Variants in CA6 observed in about 807,000 individuals in gnomAD.
The protein encoded by CA6 is carbonate dehydratase VI.
In CA6, 28 loss-of-function variants were observed where a neutral mutation model predicts 35.9. The ratio of observed to expected loss-of-function variants is 0.78; its 90% confidence interval spans 0.58 to 1.07. CA6 has a LOEUF of 1.07. Ranked by LOEUF, CA6 falls within the 50% of genes least tolerant of loss-of-function variation. The probability of loss-of-function intolerance (pLI) is 0.00; values close to 1 mark genes in which losing one functional copy is unlikely to be tolerated. For synonymous variants in CA6, 148 were observed against 152.6 expected (o/e 0.97, Z 0.22); for missense variants, 377 against 382.0 (o/e 0.99, Z 0.11).
intron 2 of CA6, chr1:8,951,423 A>G (rs1639529851): frequency 6.6e-6 from 5 of 761,182 alleles, no homozygotes; most frequent in African/African-American, 1.7e-5. Context: ...ATGCTTCCAG[A>G]TTGGCAGGCG....
chr1:8,974,354 C>T (rs771348039), intron 7 of CA6: 1 of 1,518,234 alleles, frequency 6.6e-7, no homozygotes, highest in Non-Finnish European at 8.8e-7. Flanking sequence ...CAGGCAAGGG[C>T]CACGGGGGGC....
Position 8,974,608 on chromosome 1 carries a change from T to C in CA6, c.845-14T>C, listed in dbSNP as rs1222099935. On this transcript the variant is annotated splice_polypyrimidine_tract_variant and intron_variant, in intron 7 of 7. Transcript: ENST00000377443. The stretch of plus-strand genomic sequence containing the variant: ...CAAGGTTTAACCATTTCCGACTAAC[T>C]CTTCTTTTTACAGAATACACTCTAG... The C allele has an allele frequency of 1.9e-6, 3 of 1,585,306 alleles. No individual in the cohort carries two copies. The highest frequency in any genetic ancestry group is 2.6e-6 in the Non-Finnish European group (3 of 1,156,246).
chr1:8,946,159 T>C (rs922502770), intron 1 of CA6, among the ~76,000 whole-genome samples, 194 bp downstream of exon 1: 1 of 152,040 alleles, frequency 6.6e-6, no homozygotes, highest in Non-Finnish European at 1.5e-5. Context: ...TGCCTTAGCC[T>C]CCCGAGTACC....
intron 1 of CA6, 80 bp downstream of exon 1, chr1:8,946,045 T>TCA: frequency 1.2e-6 from 1 of 837,062 alleles, no homozygotes; most frequent in Non-Finnish European, 1.9e-6. Flanking sequence ...TCTTCTTCTT[T>TCA]TTTTTTTTTT....
chr1:8,957,110 G>T, intron 2 of CA6, 27 bp from the exon 3 acceptor site: 1 of 1,574,634 alleles, frequency 6.4e-7, no homozygotes, highest in Non-Finnish European at 8.6e-7. Flanking sequence ...CACCTACTCT[G>T]CTCTCAGCCC....
At chr1:8,964,677 T>G (rs1639926203) in intron 5 of CA6, among the ~76,000 whole-genome samples, 1 of 152,126 alleles carries the variant, frequency 6.6e-6, no homozygotes. Context: ...CTTCCCCCAG[T>G]TCTCTGGCTC....
intron 6 of CA6, among the ~76,000 whole-genome samples, chr1:8,970,484 C>T (rs574235952): frequency 1.3e-5 from 2 of 152,052 alleles, no homozygotes; most frequent in Admixed American, 6.6e-5. Context: ...TAAATCCAAA[C>T]TCTAGCCCAG....
intron 6 of CA6, among the ~76,000 whole-genome samples, chr1:8,970,190 G>A (rs1169930136): frequency 2.3e-5 from 3 of 130,738 alleles, no homozygotes; most frequent in Admixed American, 9.0e-5. Context: ...TGGCGACAGA[G>A]CGAGACTCTG....
rs76538501 is a variant in CA6, at chr1:8,949,303, C to G, written c.120C>G (p.Pro40=). The G allele has an allele frequency of 3.7e-6, 6 of 1,612,808 alleles. No individual in the cohort carries two copies. The South Asian group carries it at 6.6e-5, about 18-fold the overall frequency. The change falls in exon 2 of 8, where the codon CCC becomes CCG. Residue 40 remains proline, a synonymous_variant. Coordinates refer to ENST00000377443, the MANE Select transcript of CA6 (RefSeq NM_001215.4). ...AAGCGCACTGGCCACAGCACTACCC[C>G]GCCTGTGGGGGCCAGAGACAGTCGC... ...LDEAHWPQHY[P]ACGGQRQSPI... is the part of the protein sequence containing the mutation.
intron 2 of CA6, among the ~76,000 whole-genome samples, chr1:8,952,888 C>T (rs527906180): frequency 2.6e-5 from 4 of 152,236 alleles, no homozygotes; most frequent in Admixed American, 2.0e-4. Flanking sequence ...AACTCCTGAC[C>T]TCAAGTCATC....
intron 1 of CA6, among the ~76,000 whole-genome samples, chr1:8,947,308 T>C (rs1429539750): frequency 2.6e-5 from 4 of 152,034 alleles, no homozygotes; most frequent in Non-Finnish European, 4.4e-5. Context: ...AGGAGGCTGG[T>C]GGCCGCTGGC....
chr1:8,957,277 G>A lies in CA6; in HGVS notation c.400G>A (p.Val134Met), dbSNP rs767550654. The A allele has an allele frequency of 1.1e-5, 18 of 1,611,358 alleles. No homozygotes were observed. Among genetic ancestry groups the A allele is most frequent in the Non-Finnish European group, 1.4e-5 (16 of 1,178,508 alleles). The stretch of plus-strand genomic sequence containing the variant: ...GCACACCGTGGACGGGATCAGACAT[G>A]TGATCGAGGTACCTGAGGACCCCCA... Reference protein sequence around the residue: ...SEHTVDGIRHVIEIHIVHYNS... With the variant: ...SEHTVDGIRHMIEIHIVHYNS... Residue 134 changes from valine (V) to methionine (M), a missense_variant, in exon 3 of 8, where the codon GTG becomes ATG. Physicochemically the swap from Val to Met is conservative, Grantham distance 21. Coordinates refer to ENST00000377443, the MANE Select transcript of CA6 (RefSeq NM_001215.4).
At chr1:8,956,828 C>T (rs1639696835) in intron 2 of CA6, among the ~76,000 whole-genome samples, 1 of 152,210 alleles carries the variant, frequency 6.6e-6, no homozygotes, top group Non-Finnish European at 1.5e-5. Context: ...GGCCAGCAAG[C>T]TGGACCTGCC....
intron 3 of CA6, 85 bp downstream of exon 3, chr1:8,957,370 T>C: frequency 7.4e-7 from 1 of 1,357,184 alleles, no homozygotes; most frequent in South Asian, 1.4e-5. Flanking sequence ...AGACAGAGTC[T>C]CGCTCTGTTG....
intron 2 of CA6, 126 bp downstream of exon 2, chr1:8,949,568 T>C: frequency 1.3e-6 from 1 of 791,558 alleles, no homozygotes; most frequent in Non-Finnish European, 2.0e-6. Flanking sequence ...GCTGGAGGCC[T>C]CGAACATGAG....
In CA6 at chr1:8,945,899, G is replaced by C. The variant is rs1639349504; in HGVS notation, c.13G>C (p.Val5Leu). Residue 5 changes from valine (V) to leucine (L), a missense_variant, in exon 1 of 8, where the codon GTG becomes CTG. Val to Leu is a conservative substitution (Grantham distance 32). Transcript: ENST00000377443. ...GATGTGCAGCACCATGAGGGCCCTG[G>C]TGCTTCTGCTGTCCCTGTTCCTGCT... MRAL[V>L]LLLSLFLLGG... 6.2e-7 allele frequency: 1 copy of C among 1,613,302 alleles called. No individual in the cohort carries two copies. Among genetic ancestry groups the C allele is most frequent in the Non-Finnish European group, 8.5e-7 (1 of 1,179,324 alleles).
At chr1:8,960,798 A>ATATATATAT (rs1553163144) in intron 4 of CA6, among the ~76,000 whole-genome samples, 27 of 149,374 alleles carry the variant, frequency 1.8e-4, no homozygotes, top group Non-Finnish European at 3.1e-4. Flanking sequence ...ACATATATAT[A>ATATATATAT]ATGGGAGTCC....
intron 2 of CA6, among the ~76,000 whole-genome samples, chr1:8,956,896 G>A (rs1639699443): frequency 6.6e-6 from 1 of 152,208 alleles, no homozygotes; most frequent in South Asian, 2.1e-4. Flanking sequence ...GTGCTGGGGA[G>A]AGGCACTTGC....
At chr1:8,970,008 A>G (rs1427419321) in intron 6 of CA6, among the ~76,000 whole-genome samples, 2 of 152,082 alleles carry the variant, frequency 1.3e-5, no homozygotes, top group Non-Finnish European at 2.9e-5. Flanking sequence ...GTTTGAGACC[A>G]GCCTGGCCCA....
Sources: allele counts gnomAD v4.1 joint callset (sites outside exome capture counted in the v4.1 genomes callset), GRCh38; gene constraint gnomAD v4.1.1; transcripts MANE v1.5; gene names NCBI Gene and HGNC (gene_info 2026-07-23, HGNC 2026-07-21).